The following MORN5 variants were observed in gnomAD, a reference collection of about 807,000 sequenced individuals.
MORN5 encodes MORN repeat containing 5.
In MORN5, 21 loss-of-function variants were observed where a neutral mutation model predicts 22.1. The ratio of observed to expected loss-of-function variants is 0.95; its 90% CI spans 0.67 to 1.37. MORN5 has a LOEUF of 1.37. MORN5 is among the 40% of genes most tolerant of loss of function. The pLI, the probability that MORN5 is intolerant of heterozygous loss-of-function variation, is 0.00. For missense variants in MORN5, 211 were observed against 215.1 expected (o/e 0.98, Z 0.12); for synonymous variants, 73 against 74.0 (o/e 0.99, Z 0.07).
At chr9:122,183,340 T>C (rs1004109862) in intron 4 of MORN5, among the ~76,000 whole-genome samples, 2 of 152,202 alleles carry the variant, frequency 1.3e-5, no homozygotes, top group African/African-American at 4.8e-5. Flanking sequence ...ATCTCTTTCA[T>C]GGGGCTGTTG....
intron 3 of MORN5, among the ~76,000 whole-genome samples, chr9:122,174,293 C>A (rs1356410029): frequency 6.6e-6 from 1 of 152,134 alleles, no homozygotes; most frequent in African/African-American, 2.4e-5. Flanking sequence ...TTCCCAAGAC[C>A]CTGTTCCCAA....
chr9:122,169,936 C>T (rs1458334280), intron 3 of MORN5, among the ~76,000 whole-genome samples, 180 bp downstream of exon 3: 2 of 152,194 alleles, frequency 1.3e-5, no homozygotes, highest in African/African-American at 2.4e-5. Context: ...TATCTCAGCT[C>T]CACTGTGCTA....
intron 4 of MORN5, among the ~76,000 whole-genome samples, chr9:122,186,109 T>A (rs979534343): frequency 2.6e-5 from 4 of 152,014 alleles, no homozygotes; most frequent in Non-Finnish European, 4.4e-5. Context: ...CAATCACACA[T>A]CCCTGCCAGC....
intron 4 of MORN5, chr9:122,175,518 C>T (rs778112926): frequency 1.2e-5 from 12 of 985,410 alleles, no homozygotes; most frequent in Non-Finnish European, 1.4e-5. Context: ...TCTGAAGTCA[C>T]ACTCCCACTA....
chr9:122,172,972 C>T (rs1455710875), intron 3 of MORN5, among the ~76,000 whole-genome samples: 1 of 152,208 alleles, frequency 6.6e-6, no homozygotes, highest in Non-Finnish European at 1.5e-5. Flanking sequence ...TTGCAAATCA[C>T]TCCTCCCGAA....
intron 4 of MORN5, among the ~76,000 whole-genome samples, chr9:122,182,166 A>G (rs953902068): frequency 1.9e-4 from 29 of 152,204 alleles, no homozygotes; most frequent in African/African-American, 7.0e-4. Context: ...CTTCTGCCCC[A>G]TGTTCTAGTC....
chr9:122,181,078 AT>A (rs1410129157), intron 4 of MORN5, among the ~76,000 whole-genome samples: 1 of 152,252 alleles, frequency 6.6e-6, no homozygotes, highest in Non-Finnish European at 1.5e-5. Context: ...AATCCATTAT[AT>A]TTTTATGCAC....
intron 3 of MORN5, among the ~76,000 whole-genome samples, chr9:122,170,136 A>G (rs1829345056): frequency 6.6e-6 from 1 of 152,132 alleles, no homozygotes; most frequent in Non-Finnish European, 1.5e-5. Context: ...CGTCTCTTCT[A>G]AAAATACAAA....
intron 4 of MORN5, among the ~76,000 whole-genome samples, chr9:122,180,233 C>T (rs765475883): frequency 4.6e-5 from 7 of 151,404 alleles, no homozygotes; most frequent in Non-Finnish European, 5.9e-5. Context: ...CAGGTGCACA[C>T]GTGTGATGTA....
At chr9:122,160,540 CTTTTCCTTCCTTCCTTCCTTCCTT>C (rs1301578786) in intron 1 of MORN5, among the ~76,000 whole-genome samples, 3 of 146,990 alleles carry the variant, frequency 2.0e-5, no homozygotes, top group South Asian at 4.2e-4. Flanking sequence ...TTTTTCTTTT[CTTTTCCTTCCTTCCTTCCTTCCTT>C]TTTTCCTTCC....
intron 4 of MORN5, among the ~76,000 whole-genome samples, chr9:122,193,324 C>T (rs1301152922): frequency 3.3e-5 from 5 of 152,256 alleles, no homozygotes; most frequent in Non-Finnish European, 7.3e-5. Context: ...CCGTGGCTCA[C>T]ACCTATAATC....
At chr9:122,189,019 A>G (rs897044041) in intron 4 of MORN5, among the ~76,000 whole-genome samples, 1 of 151,966 alleles carries the variant, frequency 6.6e-6, no homozygotes, top group East Asian at 1.9e-4. Flanking sequence ...ACATGGTGAA[A>G]CCCCGTCTCT....
intron 1 of MORN5, among the ~76,000 whole-genome samples, chr9:122,162,307 T>C (rs1588299317): frequency 6.6e-6 from 1 of 152,336 alleles, no homozygotes; most frequent in East Asian, 1.9e-4. Context: ...TCTTGGAGTT[T>C]AAATGAATAG....
intron 4 of MORN5, among the ~76,000 whole-genome samples, chr9:122,179,565 C>G (rs900154466): frequency 3.9e-5 from 6 of 152,102 alleles, no homozygotes; most frequent in African/African-American, 9.7e-5. Flanking sequence ...GGGCCCCTTT[C>G]TCTTCATCTT....
intron 2 of MORN5, among the ~76,000 whole-genome samples, chr9:122,168,827 T>A (rs955832764): frequency 1.3e-5 from 2 of 152,106 alleles, no homozygotes; most frequent in African/African-American, 4.8e-5. Context: ...TAGAGATGTA[T>A]GGAAAGAGAT....
intron 1 of MORN5, among the ~76,000 whole-genome samples, chr9:122,161,602 C>A (rs1829200439): frequency 6.6e-6 from 1 of 152,188 alleles, no homozygotes; most frequent in African/African-American, 2.4e-5. Context: ...TCTGTCCAAA[C>A]CACATTCTTA....
chr9:122,198,058 C>G (rs976587903), intron 4 of MORN5, among the ~76,000 whole-genome samples: 1 of 152,128 alleles, frequency 6.6e-6, no homozygotes, highest in Non-Finnish European at 1.5e-5. Context: ...TCACATCTGC[C>G]CTGGGGTGAG....
At chr9:122,165,112 C>G (rs149236000) in intron 1 of MORN5, among the ~76,000 whole-genome samples, 2 of 152,202 alleles carry the variant, frequency 1.3e-5, no homozygotes, top group East Asian at 3.9e-4. Flanking sequence ...TAAAGAAGGT[C>G]AGAGTTAGGA....
Position 122,200,079 on chromosome 9 carries a change from G to T in MORN5, c.*148G>T, listed in dbSNP as rs140653380. On this transcript the variant is annotated 3_prime_UTR_variant, in exon 5 of 5. Transcript: ENST00000373764. The stretch of plus-strand genomic sequence containing the variant: ...TAACTCAGGAATAAAGACTTTCTGC[G>T]GTCAGTGGCCCCAGGTGTATTTTCC... 2.7e-3 allele frequency: 1,950 copies of T among 715,220 alleles called. 24 individuals carry two copies. In the African/African-American group the frequency reaches 0.03, roughly 11 times the overall value. 44.3% of individuals were successfully genotyped at this position (715,220 alleles called of 1,614,324 possible). A position where few individuals can be genotyped will look rare whatever the true frequency, so the allele number is the denominator to read the frequency against.
Sources: allele counts gnomAD v4.1 joint callset (sites outside exome capture counted in the v4.1 genomes callset), GRCh38; gene constraint gnomAD v4.1.1; transcripts MANE v1.5; gene names NCBI Gene and HGNC (gene_info 2026-07-23, HGNC 2026-07-21).